LINGO2: variants seen among roughly 807,000 people sequenced by gnomAD.
LINGO2 encodes leucine-rich repeat and immunoglobulin-like domain-containing nogo receptor-interacting protein 2.
In LINGO2, 14 loss-of-function variants were observed where a neutral mutation model predicts 30.6. The observed-to-expected ratio is 0.46, with a 90% CI of 0.30 to 0.72. The LOEUF is 0.72. LINGO2 is among the 30% of genes least tolerant of loss of function. The pLI, the probability that LINGO2 is intolerant of heterozygous loss-of-function variation, is 0.07. For synonymous variants in LINGO2, 317 were observed against 288.5 expected, an observed-to-expected ratio of 1.10 and a Z score of -1.00; for missense variants, 729 against 751.7, an observed-to-expected ratio of 0.97 and a Z score of 0.35.
intron 2 of LINGO2, among the ~76,000 whole-genome samples, chr9:28,470,454 G>A (rs113492331): frequency 3.3e-4 from 50 of 152,206 alleles, no homozygotes; most frequent in African/African-American, 1.1e-3. Flanking sequence ...TACATAGCTC[G>A]CCAGAGGAAA....
chr9:28,084,569 T>G (rs922857137), intron 4 of LINGO2, among the ~76,000 whole-genome samples: 2 of 152,118 alleles, frequency 1.3e-5, no homozygotes, highest in African/African-American at 4.8e-5. Context: ...ACCTATGAGG[T>G]AGACTTTCTT....
At chr9:29,115,958 A>C in the LINGO2 span, among the ~76,000 whole-genome samples, 1 of 152,030 alleles carries the variant, frequency 6.6e-6, no homozygotes, top group African/African-American at 2.4e-5. Context: ...AGGATAGCAA[A>C]AATGGAAACT....
chr9:28,395,131 C>G (rs1821987682), intron 2 of LINGO2, among the ~76,000 whole-genome samples: 1 of 152,122 alleles, frequency 6.6e-6, no homozygotes, highest in Admixed American at 6.5e-5. Context: ...TGATAAGGGT[C>G]CCAGCCCACC....
At chr9:29,066,958 C>A in the LINGO2 span, among the ~76,000 whole-genome samples, 1 of 151,744 alleles carries the variant, frequency 6.6e-6, no homozygotes. Flanking sequence ...CTAACCCCAG[C>A]TAGTTAGAAA....
intron 4 of LINGO2, among the ~76,000 whole-genome samples, chr9:28,050,865 T>C (rs1824640336): frequency 6.6e-6 from 1 of 151,002 alleles, no homozygotes; most frequent in South Asian, 2.1e-4. Context: ...GGTGATTTTA[T>C]ATAAGTTGAA....
chr9:28,008,828 G>A lies in LINGO2; in HGVS notation c.-36+3527C>T, dbSNP rs1822401296. Among the ~76,000 whole-genome samples the A allele has an allele frequency of 2.6e-5, 4 of 151,816 alleles. No homozygotes were observed. In the Admixed American group the frequency reaches 2.6e-4, roughly 10 times the overall value. On this transcript the variant is annotated intron_variant, in intron 5 of 5. Transcript: ENST00000379992. ...TTGAAAGGTTTAATACTGTTAAGAT[G>A]ACAGTGCCCACCAAAGTGATTTGCA... is the stretch of plus-strand genomic sequence containing the variant.
At chr9:28,878,568 T>C in the LINGO2 span, among the ~76,000 whole-genome samples, 1 of 152,140 alleles carries the variant, frequency 6.6e-6, no homozygotes, top group East Asian at 1.9e-4. Context: ...TCCTTGATGA[T>C]CATTGATGCA....
intron 1 of LINGO2, among the ~76,000 whole-genome samples, chr9:28,643,727 A>C (rs977661123): frequency 6.6e-6 from 1 of 152,062 alleles, no homozygotes; most frequent in Admixed American, 6.6e-5. Context: ...CAAAAGAAAC[A>C]ATCAATGCAG....
chr9:28,568,081 T>C (rs1480221443), intron 1 of LINGO2, among the ~76,000 whole-genome samples: 1 of 152,042 alleles, frequency 6.6e-6, no homozygotes, highest in Non-Finnish European at 1.5e-5. Context: ...GGTGGCAGAA[T>C]AAGAGTTTTC....
the LINGO2 span, among the ~76,000 whole-genome samples, chr9:29,115,833 C>G: frequency 1.3e-5 from 2 of 151,978 alleles, no homozygotes; most frequent in East Asian, 3.8e-4. Context: ...TTTCCCCTGT[C>G]ATATTTTCAC....
intron 4 of LINGO2, among the ~76,000 whole-genome samples, chr9:28,055,686 T>A (rs1824900091): frequency 6.6e-6 from 1 of 152,176 alleles, no homozygotes; most frequent in Admixed American, 6.6e-5. Context: ...AACAAAATGC[T>A]TCTTTGTTAA....
chr9:28,292,413 C>T (rs1242706237), intron 4 of LINGO2, among the ~76,000 whole-genome samples: 1 of 152,104 alleles, frequency 6.6e-6, no homozygotes, highest in Non-Finnish European at 1.5e-5. Context: ...AGTGTAATTC[C>T]ATTATGGTCC....
At chr9:28,312,921 G>T (rs1253227944) in intron 3 of LINGO2, among the ~76,000 whole-genome samples, 1 of 152,056 alleles carries the variant, frequency 6.6e-6, no homozygotes, top group Non-Finnish European at 1.5e-5. Context: ...TGACCCAAGG[G>T]TAGTTATTTA....
chr9:28,856,888 G>A, the LINGO2 span, among the ~76,000 whole-genome samples: 2 of 151,930 alleles, frequency 1.3e-5, no homozygotes, highest in African/African-American at 2.4e-5. Context: ...AGATATAGAT[G>A]GATTTAAGAT....
At chr9:29,005,541 G>A in the LINGO2 span, among the ~76,000 whole-genome samples, 25,605 of 151,796 alleles carry the variant, frequency 0.17, 2,242 homozygotes, top group East Asian at 0.28. Flanking sequence ...TTATAATACC[G>A]AATGTACCCA....
At chr9:28,164,055 A>G (rs1246451224) in intron 4 of LINGO2, among the ~76,000 whole-genome samples, 1 of 152,172 alleles carries the variant, frequency 6.6e-6, no homozygotes, top group Non-Finnish European at 1.5e-5. Context: ...ATTTTCTCTA[A>G]ATATTGGAAA....
chr9:28,205,253 G>A (rs1435513392), intron 4 of LINGO2, among the ~76,000 whole-genome samples: 1 of 152,190 alleles, frequency 6.6e-6, no homozygotes, highest in African/African-American at 2.4e-5. Flanking sequence ...AGTCAAGAAT[G>A]TAAGTTCCTC....
At chr9:28,943,712 G>C in the LINGO2 span, among the ~76,000 whole-genome samples, 1 of 152,146 alleles carries the variant, frequency 6.6e-6, no homozygotes, top group Non-Finnish European at 1.5e-5. Context: ...GCATTGCTCT[G>C]TAATGGATGG....
chr9:28,241,396 AAGTCCTGC>A (rs1821793003), intron 4 of LINGO2, among the ~76,000 whole-genome samples: 1 of 152,026 alleles, frequency 6.6e-6, no homozygotes, highest in South Asian at 2.1e-4. Flanking sequence ...AACAGTGTGC[AAGTCCTGC>A]AGTGGTAACC....
Sources: gnomAD v4.1 joint callset for allele counts (sites outside exome capture counted in the v4.1 genomes callset) on GRCh38, gnomAD v4.1.1 for gene constraint, MANE v1.5 for transcripts, NCBI Gene and HGNC (gene_info 2026-07-23, HGNC 2026-07-21) for gene names.